Variants in SAMMSON observed in about 807,000 individuals in gnomAD.
SAMMSON encodes long intergenic non-protein coding RNA 1212.
At chr3:70,060,728 G>A (rs904116520) in intron 3 of SAMMSON, among the ~76,000 whole-genome samples, 1 of 152,102 alleles carries the variant, frequency 6.6e-6, no homozygotes, top group Non-Finnish European at 1.5e-5. Flanking sequence ...AGCAAAGAAT[G>A]ATCTGGCCCA....
chr3:70,328,464 A>G (rs771735148), intron 7 of SAMMSON, among the ~76,000 whole-genome samples: 3 of 152,202 alleles, frequency 2.0e-5, no homozygotes, highest in East Asian at 1.9e-4. Context: ...GAGGAGAAAC[A>G]TGGAAGATCT....
chr3:70,024,208 G>T (rs1489960194), intron 3 of SAMMSON, among the ~76,000 whole-genome samples: 2 of 152,146 alleles, frequency 1.3e-5, no homozygotes, highest in Non-Finnish European at 2.9e-5. Context: ...AGCGGTACAA[G>T]TCTAGACATA....
At chr3:70,262,436 A>G (rs1193906415) in intron 6 of SAMMSON, among the ~76,000 whole-genome samples, 51 of 152,196 alleles carry the variant, frequency 3.4e-4, no homozygotes, top group Non-Finnish European at 2.9e-5. Flanking sequence ...TCTTAATAAG[A>G]CTGTAGAAAT....
intron 4 of SAMMSON, among the ~76,000 whole-genome samples, chr3:70,181,027 G>T (rs970300487): frequency 6.6e-6 from 1 of 152,114 alleles, no homozygotes; most frequent in Non-Finnish European, 1.5e-5. Flanking sequence ...AGATCTTCCC[G>T]GCCTGGCAAG....
At position 70,425,734 on chromosome 3, in the gene SAMMSON, A is replaced by G. The variant is rs1472167453; in HGVS notation, n.234-36826A>G. 3.3e-5 allele frequency among the ~76,000 whole-genome samples: 5 copies of G among 152,090 alleles called. No individual in the cohort carries two copies. In the South Asian group the frequency reaches 6.2e-4, roughly 19 times the overall value. ...TCTATTTTCTACACAATGGATGGAA[A>G]TGCCTGGGAATAATAATTTATTAAT... is the stretch of plus-strand genomic sequence containing the variant. On this transcript the variant is annotated intron_variant and non_coding_transcript_variant, in intron 2 of 3. Transcript: ENST00000641053.
Position 70,073,613 on chromosome 3 carries a change from A to G in SAMMSON, n.507+2048A>G, listed in dbSNP as rs376650420. Among the ~76,000 whole-genome samples, 104 of 151,770 alleles carry G rather than the reference A, an allele frequency of 6.9e-4. 2 individuals carry two copies. The South Asian group carries it at 0.021, about 31-fold the overall frequency. On this transcript the variant is annotated intron_variant and non_coding_transcript_variant, in intron 4 of 9. Coordinates refer to ENST00000642114, the Ensembl canonical transcript of SAMMSON. Reference sequence around the variant, plus strand: ...TTTTTCTTCCCTCTTTTTCCTCTTCACCGTCTCTTTTCCTCTTCCCTTTCT... The same window carrying G: ...TTTTTCTTCCCTCTTTTTCCTCTTCGCCGTCTCTTTTCCTCTTCCCTTTCT...
At chr3:70,309,193 T>C (rs1575622330) in intron 7 of SAMMSON, among the ~76,000 whole-genome samples, 1 of 152,074 alleles carries the variant, frequency 6.6e-6, no homozygotes, top group Non-Finnish European at 1.5e-5. Flanking sequence ...AAGACCGAGG[T>C]TGGAGATTCA....
rs112313607 is a variant in SAMMSON, at chr3:70,111,098, T to C, written n.507+39533T>C. ...CATTGAAAAATGATGTCCAAATCCATTGGTAAATGATGATTCTTCCCTAAG... is the reference window on the plus strand; with the variant it reads ...CATTGAAAAATGATGTCCAAATCCACTGGTAAATGATGATTCTTCCCTAAG... On this transcript the variant is annotated intron_variant and non_coding_transcript_variant, in intron 4 of 9. Coordinates refer to ENST00000642114, the Ensembl canonical transcript of SAMMSON. Among the ~76,000 whole-genome samples, 1,206 of 152,254 alleles carry C rather than the reference T, an allele frequency of 7.9e-3. 10 individuals carry two copies. Among genetic ancestry groups the C allele is most frequent in the African/African-American group, 0.027 (1,126 of 41,558 alleles).
intron 4 of SAMMSON, among the ~76,000 whole-genome samples, chr3:70,164,182 T>C (rs1184391268): frequency 2.0e-5 from 3 of 152,080 alleles, no homozygotes; most frequent in Non-Finnish European, 4.4e-5. Flanking sequence ...TCTGAGATTC[T>C]GATGCAGGCA....
At chr3:70,267,016 T>C (rs1308099800) in intron 6 of SAMMSON, among the ~76,000 whole-genome samples, 6 of 152,218 alleles carry the variant, frequency 3.9e-5, no homozygotes, top group Non-Finnish European at 8.8e-5. Context: ...CATAGTTTTC[T>C]TAGCTAAACT....
intron 8 of SAMMSON, chr3:70,358,198 TTAC>T (rs918301669): frequency 6.6e-6 from 1 of 152,184 alleles, no homozygotes; most frequent in Non-Finnish European, 1.5e-5. Context: ...CCTAATTATT[TTAC>T]TACATTTTTG....
chr3:70,123,974 C>T (rs540580009), intron 4 of SAMMSON, among the ~76,000 whole-genome samples: 1 of 152,336 alleles, frequency 6.6e-6, no homozygotes, highest in East Asian at 1.9e-4. Context: ...GAGCCATTTT[C>T]AATGTTGTTG....
At chr3:70,405,842 A>C (rs1182703465) in intron 2 of SAMMSON, among the ~76,000 whole-genome samples, 2 of 152,216 alleles carry the variant, frequency 1.3e-5, no homozygotes, top group Non-Finnish European at 2.9e-5. Flanking sequence ...AAAGCAGGGA[A>C]GTTCAATGAA....
chr3:70,271,560 T>C (rs1701975820), intron 6 of SAMMSON, among the ~76,000 whole-genome samples: 1 of 152,202 alleles, frequency 6.6e-6, no homozygotes, highest in Admixed American at 6.5e-5. Flanking sequence ...AAAATTTGAC[T>C]CACAGGCCAC....
At chr3:70,203,540 T>C (rs1701261206) in intron 4 of SAMMSON, among the ~76,000 whole-genome samples, 1 of 152,162 alleles carries the variant, frequency 6.6e-6, no homozygotes, top group African/African-American at 2.4e-5. Context: ...ATTTGGGTGA[T>C]ACTAAGTAAA....
intron 3 of SAMMSON, among the ~76,000 whole-genome samples, chr3:70,034,070 A>G (rs1296509598): frequency 6.6e-6 from 1 of 152,118 alleles, no homozygotes; most frequent in Non-Finnish European, 1.5e-5. Flanking sequence ...GAAAGTTATT[A>G]ACTTTTGTAC....
At chr3:70,023,439 T>C (rs907638784) in intron 3 of SAMMSON, among the ~76,000 whole-genome samples, 3 of 151,700 alleles carry the variant, frequency 2.0e-5, no homozygotes, top group African/African-American at 7.3e-5. Flanking sequence ...CCAGCCTGGG[T>C]GACAGAGCAA....
chr3:70,138,332 C>T lies in SAMMSON; in HGVS notation n.507+66767C>T, dbSNP rs552616885. Among the ~76,000 whole-genome samples, 3 of 152,314 alleles carry T rather than the reference C, an allele frequency of 2.0e-5. No homozygotes were observed. The East Asian group carries it at 5.8e-4, about 29-fold the overall frequency. On this transcript the variant is annotated intron_variant and non_coding_transcript_variant, in intron 4 of 9. Transcript: ENST00000642114. ...GTATAAACAACAGAAATTGGTTTCT[C>T]ATAGTTCTGGAGGCTGGGAAGTCCA...
At chr3:70,425,659 C>T (rs547770588) in intron 2 of SAMMSON, among the ~76,000 whole-genome samples, 15 of 151,860 alleles carry the variant, frequency 9.9e-5, no homozygotes, top group Non-Finnish European at 1.8e-4. Flanking sequence ...ATGATCCGCC[C>T]GCCTCCCAAA....
Sources: allele counts gnomAD v4.1 joint callset (sites outside exome capture counted in the v4.1 genomes callset), GRCh38; gene constraint gnomAD v4.1.1; transcripts MANE v1.5; gene names NCBI Gene and HGNC (gene_info 2026-07-23, HGNC 2026-07-21).